Variants in CCNYL1 observed in about 807,000 individuals in gnomAD.
The protein encoded by CCNYL1 is cyclin-Y-like protein 1.
In CCNYL1, 16 loss-of-function variants were observed where a neutral mutation model predicts 44.2. The ratio of observed to expected loss-of-function variants is 0.36; its 90% CI spans 0.25 to 0.55. The LOEUF (loss-of-function observed/expected upper bound fraction) is 0.55, where lower values mean the gene tolerates loss of function less well. Among genes scored for constraint, CCNYL1 ranks in the 20% least tolerant of loss-of-function variants. The pLI, the probability that CCNYL1 is intolerant of heterozygous loss-of-function variation, is 0.85. For missense variants in CCNYL1, 348 were observed against 451.8 expected, an observed-to-expected ratio of 0.77 and a Z score of 2.08; for synonymous variants, 159 against 163.2, an observed-to-expected ratio of 0.97 and a Z score of 0.20.
Position 207,724,800 on chromosome 2 carries a change from A to G in CCNYL1, c.221A>G (p.Asp74Gly). The change falls in exon 2 of 10, where the codon GAT becomes GGT. Residue 74 changes from aspartate to glycine, a missense_variant and splice_region_variant. Asp to Gly is a moderately conservative substitution (Grantham distance 94). This residue lies in a region of CCNYL1 where 209 missense variants were observed against 247.7 expected (regional missense o/e 0.84). Coordinates refer to ENST00000295414, the MANE Select transcript of CCNYL1 (RefSeq NM_001330218.2). ...ACGTCTTTTTCCTCCTCTTCTATAG[A>G]TTTAGCTTTGGAGTCAAACCCTTCT... ...QHISDREMPE[D>G]LALESNPSDH... 6.2e-7 allele frequency: 1 copy of G among 1,611,876 alleles called. No individual in the cohort carries two copies. The highest frequency in any genetic ancestry group is 8.5e-7 in the Non-Finnish European group (1 of 1,178,418).
intron 9 of CCNYL1, among the ~76,000 whole-genome samples, chr2:207,752,607 A>G (rs2091901838): frequency 6.6e-6 from 1 of 152,194 alleles, no homozygotes; most frequent in South Asian, 2.1e-4. Context: ...GGGCAAAGTA[A>G]TATTTATGGC....
chr2:207,744,900 A>T (rs1179543071), intron 7 of CCNYL1, among the ~76,000 whole-genome samples: 1 of 152,172 alleles, frequency 6.6e-6, no homozygotes, highest in Non-Finnish European at 1.5e-5. Context: ...ACATAGCAGG[A>T]ATTGTGCACA....
At position 207,711,931 on chromosome 2, in the gene CCNYL1, A is replaced by C; in HGVS notation, c.35A>C (p.Asn12Thr). 7.2e-7 allele frequency: 1 copy of C among 1,397,696 alleles called. No individual in the cohort carries two copies. The highest frequency in any genetic ancestry group is 9.3e-7 in the Non-Finnish European group (1 of 1,073,172). 86.6% of individuals were successfully genotyped at this position (1,397,696 alleles called of 1,614,324 possible). A position where few individuals can be genotyped will look rare whatever the true frequency, so the allele number is the denominator to read the frequency against. The change falls in exon 1 of 10, where the codon AAT (asparagine) becomes ACT (threonine). Residue 12 changes from asparagine (N) to threonine (T), a missense_variant. By Grantham distance (65) the Asn-to-Thr change is moderately conservative. Coordinates refer to ENST00000295414, the MANE Select transcript of CCNYL1 (RefSeq NM_001330218.2). ...ACGCTGACCTGTTGCGTGTCCCCCAATGCCAGCCCCAAGCTGGGCCGGCGC... is the reference window on the plus strand; with the variant it reads ...ACGCTGACCTGTTGCGTGTCCCCCACTGCCAGCCCCAAGCTGGGCCGGCGC... ...GNTLTCCVSP[N>T]ASPKLGRRAG...
intron 8 of CCNYL1, among the ~76,000 whole-genome samples, chr2:207,748,230 C>G (rs1179498215): frequency 6.6e-6 from 1 of 152,196 alleles, no homozygotes; most frequent in South Asian, 2.1e-4. Flanking sequence ...GAAGCTCCAG[C>G]GTTCCCCTCA....
At chr2:207,727,258 A>G (rs1373098457) in intron 3 of CCNYL1, among the ~76,000 whole-genome samples, 1 of 152,112 alleles carries the variant, frequency 6.6e-6, no homozygotes, top group Non-Finnish European at 1.5e-5. Flanking sequence ...TCCTCACTCC[A>G]CCGTGACCTT....
At chr2:207,752,011 G>T (rs1027277719) in intron 9 of CCNYL1, among the ~76,000 whole-genome samples, 1 of 152,040 alleles carries the variant, frequency 6.6e-6, no homozygotes, top group African/African-American at 2.4e-5. Flanking sequence ...CTCTAGCCTA[G>T]GTGACGGAGT....
chr2:207,748,340 G>A (rs1452233911), intron 8 of CCNYL1, among the ~76,000 whole-genome samples: 1 of 152,202 alleles, frequency 6.6e-6, no homozygotes, highest in Non-Finnish European at 1.5e-5. Flanking sequence ...TGGGGGCCTT[G>A]AGTTACCTAT....
intron 7 of CCNYL1, among the ~76,000 whole-genome samples, chr2:207,746,316 A>T (rs958921982): frequency 3.9e-5 from 6 of 152,230 alleles, no homozygotes; most frequent in Admixed American, 3.9e-4. Context: ...GAAGGTAAAA[A>T]TGTGCTCAGT....
intron 8 of CCNYL1, among the ~76,000 whole-genome samples, chr2:207,747,958 G>A (rs573560669): frequency 3.2e-4 from 49 of 152,076 alleles, no homozygotes; most frequent in African/African-American, 1.1e-3. Context: ...TGACCAGTAG[G>A]GTATAAACAG....
At chr2:207,731,736 C>T (rs1338699049) in intron 3 of CCNYL1, among the ~76,000 whole-genome samples, 1 of 149,254 alleles carries the variant, frequency 6.7e-6, no homozygotes, top group Non-Finnish European at 1.5e-5. Context: ...CTCTTGATAA[C>T]AAAAAATTTG....
intron 1 of CCNYL1, chr2:207,714,454 G>A: frequency 2.7e-6 from 1 of 369,450 alleles, no homozygotes; most frequent in South Asian, 2.0e-5. Flanking sequence ...GTGCCATCTT[G>A]CCTGGCTCCA....
At chr2:207,734,533 C>T (rs1380219111) in intron 4 of CCNYL1, among the ~76,000 whole-genome samples, 1 of 152,216 alleles carries the variant, frequency 6.6e-6, no homozygotes, top group Non-Finnish European at 1.5e-5. Context: ...ATCTGAGATG[C>T]ACTTTCAGAA....
chr2:207,734,772 CT>C (rs34143454), intron 4 of CCNYL1, among the ~76,000 whole-genome samples: 19 of 149,238 alleles, frequency 1.3e-4, no homozygotes, highest in South Asian at 6.3e-4. Flanking sequence ...AATGTACTAG[CT>C]TTTTTTTTTA....
At chr2:207,724,281 C>T (rs1160724292) in intron 1 of CCNYL1, among the ~76,000 whole-genome samples, 1 of 152,156 alleles carries the variant, frequency 6.6e-6, no homozygotes, top group African/African-American at 2.4e-5. Flanking sequence ...CCCAAAAAAC[C>T]ACAGCTAACT....
intron 1 of CCNYL1, among the ~76,000 whole-genome samples, chr2:207,712,418 G>T (rs1377214909): frequency 1.3e-5 from 2 of 152,154 alleles, no homozygotes; most frequent in Non-Finnish European, 2.9e-5. Flanking sequence ...TTGTCTGGTG[G>T]GACTTTGCTA....
chr2:207,722,363 A>C (rs568689381), intron 1 of CCNYL1, among the ~76,000 whole-genome samples: 2 of 151,826 alleles, frequency 1.3e-5, no homozygotes, highest in Non-Finnish European at 2.9e-5. Context: ...ATGAGCCACC[A>C]TGCCCAGCCG....
intron 1 of CCNYL1, among the ~76,000 whole-genome samples, chr2:207,721,747 T>A (rs560674285): frequency 6.6e-6 from 1 of 152,078 alleles, no homozygotes; most frequent in Admixed American, 6.5e-5. Flanking sequence ...TTTTTTTTTT[T>A]TGTTTTGAGA....
intron 7 of CCNYL1, among the ~76,000 whole-genome samples, chr2:207,745,540 A>G (rs561611453): frequency 3.1e-4 from 47 of 152,372 alleles, no homozygotes; most frequent in Admixed American, 7.8e-4. Context: ...ATCTCTCTTA[A>G]GAACATGTCA....
intron 1 of CCNYL1, among the ~76,000 whole-genome samples, chr2:207,723,458 T>C (rs950196023): frequency 6.6e-6 from 1 of 152,236 alleles, no homozygotes; most frequent in African/African-American, 2.4e-5. Flanking sequence ...ATTTGACCAC[T>C]AAATCGCTTT....
Sources: allele counts gnomAD v4.1 joint callset (sites outside exome capture counted in the v4.1 genomes callset), GRCh38; gene constraint gnomAD v4.1.1; regional missense constraint gnomAD v4.1.1; transcripts MANE v1.5; gene names NCBI Gene and HGNC (gene_info 2026-07-23, HGNC 2026-07-21).